NWD1: variants seen among roughly 807,000 people sequenced by gnomAD.
NWD1 encodes the protein NACHT and WD repeat domain containing 1.
In NWD1, 129 loss-of-function variants were observed where a neutral mutation model predicts 135.1. The observed-to-expected ratio is 0.96, with a 90% CI of 0.83 to 1.11. The LOEUF (loss-of-function observed/expected upper bound fraction) is 1.11, where lower values mean the gene tolerates loss of function less well. Ranked by LOEUF, NWD1 falls within the 50% of genes least tolerant of loss-of-function variation. The pLI, the probability that NWD1 is intolerant of heterozygous loss-of-function variation, is 0.00. For synonymous variants in NWD1, 773 were observed against 786.0 expected (o/e 0.98, Z 0.28); for missense variants, 1,740 against 1,851.3 (o/e 0.94, Z 1.10).
At chr19:16,778,522 T>C (rs1969743060) in intron 11 of NWD1, among the ~76,000 whole-genome samples, 1 of 150,650 alleles carries the variant, frequency 6.6e-6, no homozygotes, top group Admixed American at 6.6e-5. Flanking sequence ...GTTGTTGTTG[T>C]TGTTGAGACA....
chr19:16,768,525 A>G (rs1380238780), intron 10 of NWD1, among the ~76,000 whole-genome samples: 1 of 152,222 alleles, frequency 6.6e-6, no homozygotes, highest in Admixed American at 6.5e-5. Context: ...ACACCATTTT[A>G]TAATCAAACT....
intron 16 of NWD1, 76 bp downstream of exon 16, chr19:16,797,962 T>G (rs1422413284): frequency 8.4e-6 from 12 of 1,428,872 alleles, no homozygotes; most frequent in East Asian, 2.3e-5. Context: ...GATTTTTGGC[T>G]GCAAAATACA....
intron 3 of NWD1, among the ~76,000 whole-genome samples, chr19:16,733,899 C>T (rs1967681985): frequency 6.6e-6 from 1 of 152,028 alleles, no homozygotes; most frequent in African/African-American, 2.4e-5. Flanking sequence ...CTTTCTTCCT[C>T]CAGTCACATT....
intron 4 of NWD1, among the ~76,000 whole-genome samples, chr19:16,739,239 T>C (rs1461522416): frequency 7.4e-6 from 1 of 134,940 alleles, no homozygotes; most frequent in Non-Finnish European, 1.5e-5. Flanking sequence ...ATGCCTGTAA[T>C]CCCGCACTTC....
In NWD1 at chr19:16,749,249, T is replaced by C. The variant is rs368201346; in HGVS notation, c.607T>C (p.Cys203Arg). The stretch of plus-strand genomic sequence containing the variant: ...CCTCCACAAACACATCCTTGAAGAC[T>C]GCGCCCTTAGGATGGTGGACCGGCT... ...QDLHKHILEDCALRMVDRLAD... is the reference protein window; with the variant it reads ...QDLHKHILEDRALRMVDRLAD... The change falls in exon 6 of 19, where the codon TGC becomes CGC. Residue 203 changes from cysteine to arginine, a missense_variant. Coordinates refer to ENST00000524140, the MANE Select transcript of NWD1 (RefSeq NM_001007525.5). 4.3e-6 allele frequency: 7 copies of C among 1,613,970 alleles called. No homozygotes were observed. In the African/African-American group the frequency reaches 9.3e-5, roughly 22 times the overall value.
chr19:16,776,013 C>A (rs1018740289), intron 11 of NWD1, among the ~76,000 whole-genome samples: 4 of 152,108 alleles, frequency 2.6e-5, no homozygotes, highest in African/African-American at 9.7e-5. Context: ...CAGCTAAAAC[C>A]TGTAGGCTTT....
At chr19:16,806,714 A>G (rs898982837) in intron 17 of NWD1, among the ~76,000 whole-genome samples, 4 of 151,482 alleles carry the variant, frequency 2.6e-5, no homozygotes, top group Non-Finnish European at 5.9e-5. Flanking sequence ...CCGTCTCTTA[A>G]TAAATAAATA....
chr19:16,800,242 C>G, intron 17 of NWD1, 80 bp downstream of exon 17: 1 of 1,370,738 alleles, frequency 7.3e-7, no homozygotes. Context: ...TGTAACAAAT[C>G]ATCCCCACAG....
intron 2 of NWD1, among the ~76,000 whole-genome samples, chr19:16,728,695 A>G (rs1465626060): frequency 6.6e-6 from 1 of 151,764 alleles, no homozygotes; most frequent in Non-Finnish European, 1.5e-5. Flanking sequence ...CTGTAATCCC[A>G]GCACTTTGGG....
At chr19:16,780,178 C>T (rs1360641394) in intron 12 of NWD1, among the ~76,000 whole-genome samples, 5 of 147,724 alleles carry the variant, frequency 3.4e-5, no homozygotes, top group Admixed American at 6.8e-5. Flanking sequence ...TTTTTTGAGA[C>T]GGAGTCTTGC....
chr19:16,736,193 T>TTTCCTTCTTTCCTTCCTTCCTTCCTTCC (rs1383779778), intron 3 of NWD1, among the ~76,000 whole-genome samples: 9 of 32,160 alleles, frequency 2.8e-4, no homozygotes, highest in African/African-American at 1.3e-3. Flanking sequence ...TCTTTCCTTC[T>TTTCCTTCTTTCCTTCCTTCCTTCCTTCC]TTCCTTCCTT....
Position 16,815,579 on chromosome 19 carries a change from A to G in NWD1, c.*540A>G. 1 of 452,332 alleles carries G rather than the reference A, an allele frequency of 2.2e-6. No homozygotes were observed. The highest frequency in any genetic ancestry group is 2.6e-5 in the South Asian group (1 of 38,050). 28.0% of individuals were successfully genotyped at this position (452,332 alleles called of 1,614,324 possible). On this transcript the variant is annotated 3_prime_UTR_variant, in exon 19 of 19. Transcript: ENST00000524140. ...ATGCTGCTGTCTCCAATTTCAATAG[A>G]AAAGAGAGCTTCTCTTTCCCAACAG... is the stretch of plus-strand genomic sequence containing the variant.
At chr19:16,746,146 G>A (rs1026935584) in intron 5 of NWD1, among the ~76,000 whole-genome samples, 14 of 148,714 alleles carry the variant, frequency 9.4e-5, no homozygotes, top group African/African-American at 2.2e-4. Flanking sequence ...CTTGAGCCCC[G>A]AGTTGGAGAC....
chr19:16,728,876 G>A (rs1488028292), intron 2 of NWD1, among the ~76,000 whole-genome samples: 38 of 150,690 alleles, frequency 2.5e-4, no homozygotes, highest in Admixed American at 6.6e-5. Flanking sequence ...CCCAGGAGGC[G>A]GAGCTTGCAG....
rs1970876659 is a variant in NWD1 at position 16,810,048 on chromosome 19, TG to T, written c.4287+1913del. On this transcript the variant is annotated intron_variant, in intron 18 of 18. Coordinates refer to ENST00000524140, the MANE Select transcript of NWD1 (RefSeq NM_001007525.5). ...CTCTGTCTGGGCAAAAGGATTTTTT[TG>T]TGTGTGTGTTTTGCTCACTGAAGTT... Among the ~76,000 whole-genome samples, 3 of 152,150 alleles carry T rather than the reference TG, an allele frequency of 2.0e-5. No individual in the cohort carries two copies. In the South Asian group the frequency reaches 6.2e-4, roughly 32 times the overall value.
intron 6 of NWD1, 76 bp from the exon 7 acceptor site, chr19:16,759,149 C>T: frequency 7.9e-7 from 1 of 1,261,590 alleles, no homozygotes. Flanking sequence ...TGTATCCCTC[C>T]CTCTCTTGGA....
intron 6 of NWD1, 137 bp from the exon 7 acceptor site, chr19:16,759,088 C>A (rs1599479411): frequency 5.4e-5 from 37 of 682,822 alleles, no homozygotes; most frequent in Middle Eastern, 3.2e-4. Context: ...ACCTTGTGGG[C>A]GCTGTCCAAA....
chr19:16,790,463 G>T (rs1028236584), intron 13 of NWD1, among the ~76,000 whole-genome samples: 2 of 151,488 alleles, frequency 1.3e-5, no homozygotes, highest in African/African-American at 2.4e-5. Context: ...CTTGAAATTC[G>T]GGGGGTAGGG....
Position 16,743,188 on chromosome 19 carries a change from G to A in NWD1, c.199-1233G>A, listed in dbSNP as rs1968158283. Among the ~76,000 whole-genome samples the A allele has an allele frequency of 2.0e-5, 3 of 151,122 alleles. No individual in the cohort carries two copies. The Admixed American group carries it at 2.0e-4, about 10-fold the overall frequency. ...AGCCTTCCAAAGTGTTGAGATTACA[G>A]GCGTGAGCCACCTTGCCTGGCCCCA... On this transcript the variant is annotated intron_variant, in intron 4 of 18. Coordinates refer to ENST00000524140, the MANE Select transcript of NWD1 (RefSeq NM_001007525.5).
Sources: allele counts gnomAD v4.1 joint callset (sites outside exome capture counted in the v4.1 genomes callset), GRCh38; gene constraint gnomAD v4.1.1; transcripts MANE v1.5; gene names NCBI Gene and HGNC (gene_info 2026-07-23, HGNC 2026-07-21).